Variants in UBN2 observed in about 807,000 individuals in gnomAD.
UBN2 encodes ubinuclein 2.
Under a neutral mutation model 120.2 loss-of-function variants are expected in UBN2, and 35 were observed. That is an observed-to-expected ratio of 0.29 (90% CI 0.22 to 0.39). UBN2 has a LOEUF of 0.39. Among genes scored for constraint, UBN2 ranks in the 10% least tolerant of loss-of-function variants. The probability of loss-of-function intolerance (pLI) is 1.00; values close to 1 mark genes in which losing one functional copy is unlikely to be tolerated. For missense variants in UBN2, 1,693 were observed against 1,663.2 expected (o/e 1.02, Z -0.31); for synonymous variants, 661 against 648.7 (o/e 1.02, Z -0.29).
Position 139,284,272 on chromosome 7 carries a change from T to A in UBN2, c.3367T>A (p.Ser1123Thr). 6.2e-7 allele frequency: 1 copy of A among 1,613,984 alleles called. No homozygotes were observed. Among genetic ancestry groups the A allele is most frequent in the Non-Finnish European group, 8.5e-7 (1 of 1,179,994 alleles). ...QPSGMNISRQSPTLNLLPSSR... is the reference protein window; with the variant it reads ...QPSGMNISRQTPTLNLLPSSR... ...CAGTGGAATGAACATCAGCAGACAG[T>A]CTCCCACCTTGAATTTATTGCCCTC... is the stretch of plus-strand genomic sequence containing the variant. Residue 1123 changes from serine (S) to threonine (T), a missense_variant, in exon 15 of 18, where the codon TCT becomes ACT. This residue lies in a region of UBN2 where 837 missense variants were observed against 817.6 expected (regional missense o/e 1.02). Transcript: ENST00000473989.
At chr7:139,322,194 G>A in the UBN2 span, among the ~76,000 whole-genome samples, 2 of 152,066 alleles carry the variant, frequency 1.3e-5, no homozygotes, top group Non-Finnish European at 2.9e-5. Flanking sequence ...GGCTGGTCTC[G>A]AACTCCTGAC....
intron 1 of UBN2, 35 bp downstream of exon 1, chr7:139,231,987 G>A: frequency 6.4e-7 from 1 of 1,560,800 alleles, no homozygotes; most frequent in South Asian, 1.1e-5. Flanking sequence ...CCCAGACCCC[G>A]GGAGCCTCAG....
chr7:139,240,448 A>ATT (rs1185592679), intron 2 of UBN2, among the ~76,000 whole-genome samples: 1 of 35,564 alleles, frequency 2.8e-5, no homozygotes, highest in South Asian at 1.3e-3. Context: ...ATATATATAT[A>ATT]TATATATTTT....
At position 139,299,649 on chromosome 7, in the gene UBN2, C is replaced by T. The variant is rs1198764694; in HGVS notation, c.*1813C>T. 6.6e-6 allele frequency: 1 copy of T among 152,066 alleles called. No individual in the cohort carries two copies. The highest frequency in any genetic ancestry group is 2.4e-5 in the African/African-American group (1 of 41,408). 9.4% of individuals were successfully genotyped at this position (152,066 alleles called of 1,614,324 possible). A position where few individuals can be genotyped will look rare whatever the true frequency, so the allele number is the denominator to read the frequency against. ...CTAAGAATTTAGTTTATCAATAAAACAAATATGGATGTAGTATGAACCCCA... is the reference window on the plus strand; with the variant it reads ...CTAAGAATTTAGTTTATCAATAAAATAAATATGGATGTAGTATGAACCCCA... On this transcript the variant is annotated 3_prime_UTR_variant, in exon 18 of 18. Coordinates refer to ENST00000473989, the MANE Select transcript of UBN2 (RefSeq NM_173569.4).
At chr7:139,238,212 C>T (rs953381253) in intron 2 of UBN2, among the ~76,000 whole-genome samples, 6 of 152,072 alleles carry the variant, frequency 3.9e-5, no homozygotes, top group Non-Finnish European at 8.8e-5. Flanking sequence ...GATATCAGCT[C>T]ACATTGGCCT....
At position 139,267,566 on chromosome 7, in the gene UBN2, G is replaced by C. The variant is rs867317703; in HGVS notation, c.1466+1163G>C. On this transcript the variant is annotated intron_variant, in intron 7 of 17. Coordinates refer to ENST00000473989, the MANE Select transcript of UBN2 (RefSeq NM_173569.4). ...AAAAAAAAAGAGAGAAAGAGAGAAG[G>C]AAAAGGGAAATAAAAGGAAAAGGAA... Among the ~76,000 whole-genome samples the C allele has an allele frequency of 2.6e-5, 4 of 151,538 alleles. No homozygotes were observed. The Middle Eastern group carries it at 0.01, about 389-fold the overall frequency.
chr7:139,262,702 AG>A (rs1438877159), intron 6 of UBN2, among the ~76,000 whole-genome samples: 2 of 149,992 alleles, frequency 1.3e-5, no homozygotes, highest in Non-Finnish European at 3.0e-5. Context: ...TGACAGAGCA[AG>A]ACTCCATCTC....
intron 2 of UBN2, among the ~76,000 whole-genome samples, chr7:139,243,293 T>G (rs549791647): frequency 8.1e-5 from 12 of 148,252 alleles, no homozygotes; most frequent in South Asian, 2.1e-4. Flanking sequence ...AATTCAAGGG[T>G]TTTTTTTTGT....
At position 139,242,904 on chromosome 7, in the gene UBN2, A is replaced by G. The variant is rs118094423; in HGVS notation, c.561+5807A>G. On this transcript the variant is annotated intron_variant, in intron 2 of 17. Coordinates refer to ENST00000473989, the MANE Select transcript of UBN2 (RefSeq NM_173569.4). The stretch of plus-strand genomic sequence containing the variant: ...AAGAAATGGGCACAGATGTAAAGAG[A>G]TAAGGTGGCAGGGCTGGGACAAGTA... Among the ~76,000 whole-genome samples, 219 of 152,324 alleles carry G rather than the reference A, an allele frequency of 1.4e-3. 7 individuals carry two copies. In the East Asian group the frequency reaches 0.025, roughly 17 times the overall value.
chr7:139,246,029 T>C (rs2130947472), intron 2 of UBN2, among the ~76,000 whole-genome samples: 2 of 152,260 alleles, frequency 1.3e-5, no homozygotes, highest in Middle Eastern at 6.8e-3. Flanking sequence ...AATAATAGGG[T>C]ATTTTCCAAA....
intron 2 of UBN2, among the ~76,000 whole-genome samples, chr7:139,247,846 G>T (rs1275884308): frequency 2.0e-5 from 3 of 152,042 alleles, no homozygotes; most frequent in Non-Finnish European, 4.4e-5. Context: ...CCTTCCACTT[G>T]TCCTTGTCTG....
At chr7:139,323,252 G>A in the UBN2 span, among the ~76,000 whole-genome samples, 2 of 152,094 alleles carry the variant, frequency 1.3e-5, no homozygotes, top group African/African-American at 2.4e-5. Flanking sequence ...TCAGGAGTTC[G>A]AGATCAGCCT....
chr7:139,272,912 A>G (rs1797332674), intron 9 of UBN2, among the ~76,000 whole-genome samples: 1 of 152,236 alleles, frequency 6.6e-6, no homozygotes, highest in Non-Finnish European at 1.5e-5. Flanking sequence ...CTGACTTGAT[A>G]TAATTGAGTA....
At chr7:139,255,435 C>G (rs1796731247) in intron 3 of UBN2, among the ~76,000 whole-genome samples, 1 of 152,056 alleles carries the variant, frequency 6.6e-6, no homozygotes, top group Non-Finnish European at 1.5e-5. Context: ...GTATTTTCCA[C>G]TTGGGCTGTG....
chr7:139,294,718 G>A (rs1585032723), intron 17 of UBN2, among the ~76,000 whole-genome samples: 1 of 152,172 alleles, frequency 6.6e-6, no homozygotes, highest in East Asian at 1.9e-4. Context: ...GCGCATGCCT[G>A]TAGTCCCAGC....
In UBN2 at chr7:139,293,087, A is replaced by G. The variant is rs1798006789; in HGVS notation, c.3670-145A>G. The G allele has an allele frequency of 7.6e-6, 5 of 655,548 alleles. No homozygotes were observed. In the East Asian group the frequency reaches 1.4e-4, roughly 18 times the overall value. 40.6% of individuals were successfully genotyped at this position (655,548 alleles called of 1,614,324 possible). On this transcript the variant is annotated intron_variant, in intron 15 of 17. Transcript: ENST00000473989. ...TAAAATAACAGCGTCTAAGGAACCT[A>G]CCGTGGTAATGAAGAGCCTGTCTCA...
At position 139,283,133 on chromosome 7, in the gene UBN2, C is replaced by G. The variant is rs1585021900; in HGVS notation, c.2228C>G (p.Ser743Cys). 2 of 1,612,672 alleles carry G rather than the reference C, an allele frequency of 1.2e-6. No homozygotes were observed. Among genetic ancestry groups the G allele is most frequent in the East Asian group, 2.2e-5 (1 of 44,854 alleles). The change falls in exon 15 of 18, where the codon TCT becomes TGT. Residue 743 changes from serine to cysteine, a missense_variant. Physicochemically the swap from Ser to Cys is moderately radical, Grantham distance 112 (BLOSUM62 -1). Around this residue, in one of 5 missense-constraint regions of UBN2, gnomAD observed 837 missense variants for 817.6 expected, o/e 1.02. Coordinates refer to ENST00000473989, the MANE Select transcript of UBN2 (RefSeq NM_173569.4). ...TAAIAAASSS[S>C]APAQETICLD... ...GCCATTGCTGCAGCTAGCTCTAGCT[C>G]TGCACCAGCCCAAGAAACCATCTGC...
At chr7:139,259,194 A>T (rs1244853389) in intron 4 of UBN2, 73 bp from the exon 5 acceptor site, 10 of 1,568,106 alleles carry the variant, frequency 6.4e-6, no homozygotes, top group African/African-American at 1.4e-5. Flanking sequence ...ACCACTGCTG[A>T]TGCTGGATTG....
chr7:139,266,435 A>G lies in UBN2; in HGVS notation c.1466+32A>G, dbSNP rs751306877. 3.8e-6 allele frequency: 5 copies of G among 1,301,870 alleles called. No individual in the cohort carries two copies. The East Asian group carries it at 9.4e-5, about 24-fold the overall frequency. 80.6% of individuals were successfully genotyped at this position (1,301,870 alleles called of 1,614,324 possible). A position where few individuals can be genotyped will look rare whatever the true frequency, so the allele number is the denominator to read the frequency against. ...AATTTTCTTTAAAAAAAAAAACCTT[A>G]AGAATGATACATTAAAAAATGTAAT... is the stretch of plus-strand genomic sequence containing the variant. On this transcript the variant is annotated intron_variant, in intron 7 of 17. Transcript: ENST00000473989.
Sources: allele counts gnomAD v4.1 joint callset (sites outside exome capture counted in the v4.1 genomes callset), GRCh38; gene constraint gnomAD v4.1.1; regional missense constraint gnomAD v4.1.1; transcripts MANE v1.5; gene names NCBI Gene and HGNC (gene_info 2026-07-23, HGNC 2026-07-21).